Variants in CNTNAP4 observed in about 807,000 individuals in gnomAD.
CNTNAP4 encodes contactin-associated protein-like 4.
In CNTNAP4, 98 loss-of-function variants were observed where a neutral mutation model predicts 148.4. The observed-to-expected ratio is 0.66, with a 90% CI of 0.56 to 0.78. CNTNAP4 has a LOEUF of 0.78. Ranked by LOEUF, CNTNAP4 falls within the 30% of genes least tolerant of loss-of-function variation. The probability of loss-of-function intolerance (pLI) is 0.00; values close to 1 mark genes in which losing one functional copy is unlikely to be tolerated. For missense variants in CNTNAP4, 1,935 were observed against 1,565.6 expected (o/e 1.24, Z -3.98); for synonymous variants, 730 against 565.1 (o/e 1.29, Z -4.14).
chr16:76,479,807 G>T (rs2081746872), intron 12 of CNTNAP4, among the ~76,000 whole-genome samples: 1 of 152,082 alleles, frequency 6.6e-6, no homozygotes, highest in African/African-American at 2.4e-5. Context: ...GACTATTTAT[G>T]AGAGAAGATT....
intron 23 of CNTNAP4, among the ~76,000 whole-genome samples, chr16:76,557,111 T>A (rs997435249): frequency 1.3e-5 from 2 of 152,210 alleles, no homozygotes; most frequent in African/African-American, 4.8e-5. Context: ...GTTTGTACCT[T>A]CACTGATCTT....
Position 76,452,721 on chromosome 16 carries a change from A to C in CNTNAP4, c.1285A>C (p.Lys429Gln). The C allele has an allele frequency of 6.2e-7, 1 of 1,610,118 alleles. No individual in the cohort carries two copies. Among genetic ancestry groups the C allele is most frequent in the Non-Finnish European group, 8.5e-7 (1 of 1,177,726 alleles). The change falls in exon 8 of 24, where the codon AAG becomes CAG. Residue 429 changes from lysine to glutamine, a missense_variant. Lys to Gln is a moderately conservative substitution (Grantham distance 53). Transcript: ENST00000611870. ...CCTCTTTCTGAGTGATGGAAAACTT[A>C]AGTCGAATCTCTACCAGCCAGGAAA... Reference protein sequence around the residue: ...ILLFLSDGKLKSNLYQPGKLP... With the variant: ...ILLFLSDGKLQSNLYQPGKLP...
intron 4 of CNTNAP4, among the ~76,000 whole-genome samples, chr16:76,434,889 A>G (rs553571294): frequency 6.6e-6 from 1 of 152,296 alleles, no homozygotes; most frequent in East Asian, 1.9e-4. Flanking sequence ...CTAGAACTCC[A>G]TTAATCACCT....
chr16:76,548,050 T>C (rs1176909609), intron 21 of CNTNAP4, among the ~76,000 whole-genome samples: 2 of 152,244 alleles, frequency 1.3e-5, no homozygotes, highest in African/African-American at 4.8e-5. Flanking sequence ...CACTGTAAGA[T>C]AGCTGCCTGT....
intron 1 of CNTNAP4, among the ~76,000 whole-genome samples, chr16:76,291,890 C>T (rs1343509908): frequency 6.6e-6 from 1 of 152,156 alleles, no homozygotes; most frequent in Non-Finnish European, 1.5e-5. Flanking sequence ...TGTTCATGCC[C>T]AGTGTTTTCT....
At chr16:76,487,925 G>T (rs1014564145) in intron 12 of CNTNAP4, among the ~76,000 whole-genome samples, 3 of 152,140 alleles carry the variant, frequency 2.0e-5, no homozygotes, top group Admixed American at 6.5e-5. Flanking sequence ...GTCTCACTCA[G>T]TGTGATCCAG....
In CNTNAP4 at chr16:76,553,824, C is replaced by T. The variant is rs374884902; in HGVS notation, c.3662-12C>T. The T allele has an allele frequency of 6.3e-6, 10 of 1,595,420 alleles. No individual in the cohort carries two copies. In the African/African-American group the frequency reaches 1.2e-4, roughly 19 times the overall value. On this transcript the variant is annotated splice_polypyrimidine_tract_variant and intron_variant, in intron 22 of 23. Transcript: ENST00000611870. ...TATATCACCTTCCCCCTTTGTTGTG[C>T]TTTAACTGCAGATCATTCTGGAACA...
At chr16:76,498,769 C>T (rs2082506252) in intron 15 of CNTNAP4, 75 bp downstream of exon 15, 18 of 1,374,860 alleles carry the variant, frequency 1.3e-5, no homozygotes, top group Non-Finnish European at 1.6e-5. Context: ...TTAAGCATCA[C>T]GTTTCTATCA....
At chr16:76,499,054 C>T (rs1425822391) in intron 15 of CNTNAP4, among the ~76,000 whole-genome samples, 1 of 136,376 alleles carries the variant, frequency 7.3e-6, no homozygotes, top group Non-Finnish European at 1.5e-5. Context: ...TTTTATGTAT[C>T]TTTTACCACA....
chr16:76,405,503 GTA>G (rs1173617801), intron 3 of CNTNAP4, among the ~76,000 whole-genome samples: 2 of 152,124 alleles, frequency 1.3e-5, no homozygotes, highest in East Asian at 3.9e-4. Context: ...TTTGTATTTT[GTA>G]TATGAGTTAT....
At chr16:76,404,735 C>A (rs2078543286) in intron 3 of CNTNAP4, among the ~76,000 whole-genome samples, 1 of 151,974 alleles carries the variant, frequency 6.6e-6, no homozygotes, top group South Asian at 2.1e-4. Context: ...AGATTTAATA[C>A]AAAAATTGTG....
At chr16:76,417,412 T>C (rs2144965495) in intron 3 of CNTNAP4, among the ~76,000 whole-genome samples, 1 of 151,590 alleles carries the variant, frequency 6.6e-6, no homozygotes, top group South Asian at 2.1e-4. Flanking sequence ...CCAAAGTCTA[T>C]TTTCAAATAT....
intron 13 of CNTNAP4, among the ~76,000 whole-genome samples, chr16:76,492,677 T>C (rs527937298): frequency 6.6e-6 from 1 of 152,302 alleles, no homozygotes; most frequent in Admixed American, 6.5e-5. Flanking sequence ...TGAATAAGTC[T>C]CATGAGATCT....
chr16:76,316,322 T>A lies in CNTNAP4; in HGVS notation c.86-91T>A, dbSNP rs140238473. 4.9e-5 allele frequency: 39 copies of A among 792,678 alleles called. No homozygotes were observed. In the African/African-American group the frequency reaches 6.4e-4, roughly 13 times the overall value. The allele number at this position is 792,678 out of a possible 1,614,324, so 49.1% of individuals were successfully genotyped here. On this transcript the variant is annotated intron_variant, in intron 1 of 23. Transcript: ENST00000611870. ...AGATCTTAGATCCTAGTTTTTGATG[T>A]TGTTGTTTTACTTGTTGGTTGTTTT...
intron 3 of CNTNAP4, among the ~76,000 whole-genome samples, chr16:76,366,877 T>G (rs1349702701): frequency 6.6e-6 from 1 of 152,174 alleles, no homozygotes; most frequent in Non-Finnish European, 1.5e-5. Context: ...AATGCAAGGA[T>G]GTATCTGCTT....
chr16:76,522,652 C>CCT (rs1568496042), intron 17 of CNTNAP4, among the ~76,000 whole-genome samples: 764 of 66,374 alleles, frequency 0.012, 71 homozygotes, highest in Middle Eastern at 0.016. Context: ...TTTCTTTTCT[C>CCT]TCTTTCTCTC....
chr16:76,504,272 A>G (rs1200290870), intron 15 of CNTNAP4, among the ~76,000 whole-genome samples: 1 of 152,206 alleles, frequency 6.6e-6, no homozygotes, highest in Non-Finnish European at 1.5e-5. Context: ...GGAATAGAAT[A>G]GAGAGCCCAA....
At chr16:76,421,018 C>A (rs887195788) in intron 3 of CNTNAP4, among the ~76,000 whole-genome samples, 7 of 151,962 alleles carry the variant, frequency 4.6e-5, no homozygotes, top group Non-Finnish European at 8.8e-5. Context: ...TCTCATAAAA[C>A]AATTTATTGC....
intron 4 of CNTNAP4, among the ~76,000 whole-genome samples, chr16:76,434,807 A>C (rs1459104849): frequency 6.6e-6 from 1 of 152,164 alleles, no homozygotes; most frequent in Non-Finnish European, 1.5e-5. Context: ...CCAATTATGC[A>C]TCCTGGCACT....
Sources: allele counts gnomAD v4.1 joint callset (sites outside exome capture counted in the v4.1 genomes callset), GRCh38; gene constraint gnomAD v4.1.1; transcripts MANE v1.5; gene names NCBI Gene and HGNC (gene_info 2026-07-23, HGNC 2026-07-21).